The following C1orf185 variants were observed in gnomAD, a reference collection of about 807,000 sequenced individuals.
C1orf185 encodes chromosome 1 open reading frame 185, also known as uncharacterized protein C1orf185.
Under a neutral mutation model 16.1 loss-of-function variants are expected in C1orf185, and 13 were observed. The ratio of observed to expected loss-of-function variants is 0.81; its 90% CI spans 0.53 to 1.28. C1orf185 has a LOEUF of 1.28. Among genes scored for constraint, C1orf185 ranks in the 50% most tolerant of loss-of-function variants. The pLI is 0.00. For missense variants in C1orf185, 220 were observed against 225.2 expected (o/e 0.98, Z 0.15); for synonymous variants, 80 against 76.9 (o/e 1.04, Z -0.21).
Position 51,139,148 on chromosome 1 carries a change from G to A in C1orf185, c.259-6576G>A, listed in dbSNP as rs148676343. On this transcript the variant is annotated intron_variant, in intron 3 of 4. Transcript: ENST00000371759. ...ACAGAGTCTCACTCTTGCCAACCAGGTTACAGTGGAATGGTGTGATTATAG... is the reference window on the plus strand; with the variant it reads ...ACAGAGTCTCACTCTTGCCAACCAGATTACAGTGGAATGGTGTGATTATAG... 3.6e-3 allele frequency among the ~76,000 whole-genome samples: 541 copies of A among 151,212 alleles called. 1 individual carries two copies. Among genetic ancestry groups the A allele is most frequent in the Non-Finnish European group, 4.4e-3 (299 of 67,838 alleles).
At chr1:51,144,218 C>A (rs2148033492) in intron 3 of C1orf185, among the ~76,000 whole-genome samples, 1 of 152,266 alleles carries the variant, frequency 6.6e-6, no homozygotes, top group Non-Finnish European at 1.5e-5. Flanking sequence ...CTCTTATACC[C>A]CATTCCAGAC....
At chr1:51,103,335 C>T (rs547110103) in intron 1 of C1orf185, among the ~76,000 whole-genome samples, 1 of 150,304 alleles carries the variant, frequency 6.7e-6, no homozygotes, top group East Asian at 2.0e-4. Context: ...GGGCCCAGGA[C>T]TTTGAGACTA....
At chr1:51,135,107 C>T (rs1646313732) in intron 3 of C1orf185, among the ~76,000 whole-genome samples, 1 of 152,224 alleles carries the variant, frequency 6.6e-6, no homozygotes, top group Non-Finnish European at 1.5e-5. Context: ...CAACAAAATA[C>T]TGGCAAACCA....
chr1:51,131,600 A>G (rs1321849951), intron 3 of C1orf185, among the ~76,000 whole-genome samples: 1 of 151,076 alleles, frequency 6.6e-6, no homozygotes, highest in Admixed American at 6.6e-5. Context: ...AAAGCAAGAC[A>G]TCATCTCTAG....
At chr1:51,107,618 AGATCTAGTTTATT>A (rs1186718109) in intron 1 of C1orf185, among the ~76,000 whole-genome samples, 7 of 152,196 alleles carry the variant, frequency 4.6e-5, no homozygotes, top group Non-Finnish European at 8.8e-5. Context: ...TGACACATAT[AGATCTAGTTTATT>A]GATAAGTCAT....
intron 1 of C1orf185, chr1:51,107,188 G>A (rs1646079265): frequency 6.6e-6 from 1 of 152,358 alleles, no homozygotes; most frequent in Non-Finnish European, 1.5e-5. Context: ...GGGCAATATA[G>A]AGAGACCCTC....
intron 1 of C1orf185, among the ~76,000 whole-genome samples, chr1:51,111,835 T>G (rs1646123162): frequency 1.3e-5 from 2 of 152,114 alleles, no homozygotes. Context: ...TTAATTGTTT[T>G]TTAACTTTTT....
In C1orf185 at chr1:51,121,592, A is replaced by G. The variant is rs1289068630; in HGVS notation, c.258+2791A>G. 8.5e-5 allele frequency among the ~76,000 whole-genome samples: 13 copies of G among 152,100 alleles called. 1 individual carries two copies. The highest frequency in any genetic ancestry group is 8.5e-4 in the Admixed American group (13 of 15,262). On this transcript the variant is annotated intron_variant, in intron 3 of 4. Coordinates refer to ENST00000371759, the MANE Select transcript of C1orf185 (RefSeq NM_001136508.2). Reference sequence around the variant, plus strand: ...TTTCAGTACAAAAGAACTCTTTTGTATTGTCCCTGTTTTTCTTATCTCAAT... The same window carrying G: ...TTTCAGTACAAAAGAACTCTTTTGTGTTGTCCCTGTTTTTCTTATCTCAAT...
At chr1:51,112,359 G>A (rs1646127533) in intron 1 of C1orf185, 105 bp from the exon 2 acceptor site, 1 of 891,572 alleles carries the variant, frequency 1.1e-6, no homozygotes, top group Non-Finnish European at 1.7e-6. Flanking sequence ...CCTGGTTAAT[G>A]TCTTAACACT....
rs554096725 is a variant in C1orf185, at chr1:51,134,284, G to A, written c.259-11440G>A. On this transcript the variant is annotated intron_variant, in intron 3 of 4. Coordinates refer to ENST00000371759, the MANE Select transcript of C1orf185 (RefSeq NM_001136508.2). Reference sequence around the variant, plus strand: ...TAAGGCAGAAATCAAGAAGTTCTTTGAAACTAATGAGAACAAAGGTGCAAA... The same window carrying A: ...TAAGGCAGAAATCAAGAAGTTCTTTAAAACTAATGAGAACAAAGGTGCAAA... Among the ~76,000 whole-genome samples the A allele has an allele frequency of 3.3e-5, 5 of 152,254 alleles. No homozygotes were observed. In the South Asian group the frequency reaches 1.0e-3, roughly 32 times the overall value.
chr1:51,121,331 A>G (rs960947795), intron 3 of C1orf185, among the ~76,000 whole-genome samples: 3 of 151,864 alleles, frequency 2.0e-5, no homozygotes, highest in African/African-American at 7.3e-5. Flanking sequence ...TACGAGTTCA[A>G]CTTTTTTAGA....
chr1:51,140,595 A>G (rs1027365375), intron 3 of C1orf185, among the ~76,000 whole-genome samples: 1 of 152,206 alleles, frequency 6.6e-6, no homozygotes, highest in Admixed American at 6.5e-5. Context: ...GGTATAATTC[A>G]GTAGTCATCT....
chr1:51,147,605 G>A lies in C1orf185; in HGVS notation c.434G>A (p.Ser145Asn). The A allele has an allele frequency of 6.4e-7, 1 of 1,551,506 alleles. No homozygotes were observed. Among genetic ancestry groups the A allele is most frequent in the South Asian group, 1.2e-5 (1 of 84,048 alleles). The change falls in exon 5 of 5, where the codon AGC (serine) becomes AAC (asparagine). Residue 145 changes from serine (S) to asparagine (N), a missense_variant. By Grantham distance (46) the Ser-to-Asn change is conservative. Transcript: ENST00000371759. ...ACATTACCATCTGATTCTTATTACAGCCAAAGTATAGAAGCAGCTGATGAC... is the reference window on the plus strand; with the variant it reads ...ACATTACCATCTGATTCTTATTACAACCAAAGTATAGAAGCAGCTGATGAC... The part of the protein sequence containing the change: ...LSTLPSDSYY[S>N]QSIEAADDWF...
At position 51,105,219 on chromosome 1, in the gene C1orf185, G is replaced by A. The variant is rs563382511; in HGVS notation, c.16+2970G>A. On this transcript the variant is annotated intron_variant, in intron 1 of 4. Transcript: ENST00000371759. ...TCACCTCAGATGATCTGCCTGCCTC[G>A]GCCTCCCAAAGTGCTGGGATTATTG... Among the ~76,000 whole-genome samples the A allele has an allele frequency of 5.9e-5, 9 of 151,652 alleles. No individual in the cohort carries two copies. In the East Asian group the frequency reaches 7.8e-4, roughly 13 times the overall value.
Position 51,136,144 on chromosome 1 carries a change from A to G in C1orf185, c.259-9580A>G, listed in dbSNP as rs112294283. On this transcript the variant is annotated intron_variant, in intron 3 of 4. Coordinates refer to ENST00000371759, the MANE Select transcript of C1orf185 (RefSeq NM_001136508.2). ...TAAGAAGAACTACAAAACACTGCTC[A>G]AAGAAATCAGAGATGACACAAGCAA... Among the ~76,000 whole-genome samples the G allele has an allele frequency of 7.0e-3, 1,060 of 152,300 alleles. 6 individuals carry two copies. The highest frequency in any genetic ancestry group is 0.011 in the Non-Finnish European group (722 of 68,022).
At chr1:51,133,521 AT>A (rs1401651969) in intron 3 of C1orf185, among the ~76,000 whole-genome samples, 3 of 152,232 alleles carry the variant, frequency 2.0e-5, no homozygotes, top group African/African-American at 7.2e-5. Context: ...CTAAATATCT[AT>A]GCACCCAACA....
At chr1:51,139,660 A>G (rs889199009) in intron 3 of C1orf185, among the ~76,000 whole-genome samples, 15 of 152,232 alleles carry the variant, frequency 9.9e-5, no homozygotes, top group South Asian at 2.1e-4. Context: ...TATATGAAAT[A>G]CAATATAAAT....
intron 4 of C1orf185, 67 bp from the exon 5 acceptor site, chr1:51,147,400 A>G: frequency 7.3e-7 from 1 of 1,366,232 alleles, no homozygotes; most frequent in Non-Finnish European, 9.8e-7. Context: ...GCCCATTCTG[A>G]CATTGTCCTT....
At position 51,112,586 on chromosome 1, in the gene C1orf185, T is replaced by C. The variant is rs1646129451; in HGVS notation, c.122+17T>C. On this transcript the variant is annotated intron_variant, in intron 2 of 4. Transcript: ENST00000371759. Reference sequence around the variant, plus strand: ...CAAACGAAGGTAAGGATTATTCGAATATTTCTTTAACCTTTTTTTCTTTTA... The same window carrying C: ...CAAACGAAGGTAAGGATTATTCGAACATTTCTTTAACCTTTTTTTCTTTTA... The C allele has an allele frequency of 6.6e-7, 1 of 1,507,884 alleles. No individual in the cohort carries two copies. Among genetic ancestry groups the C allele is most frequent in the East Asian group, 2.5e-5 (1 of 40,678 alleles). The allele number at this position is 1,507,884 out of a possible 1,614,324, so 93.4% of individuals were successfully genotyped here.
Sources: gnomAD v4.1 joint callset for allele counts (sites outside exome capture counted in the v4.1 genomes callset) on GRCh38, gnomAD v4.1.1 for gene constraint, MANE v1.5 for transcripts, NCBI Gene and HGNC (gene_info 2026-07-23, HGNC 2026-07-21) for gene names.